PKP4: variants seen among roughly 807,000 people sequenced by gnomAD.
PKP4 encodes the protein plakophilin-4.
Under a neutral mutation model 145.1 loss-of-function variants are expected in PKP4, and 90 were observed. That is an observed-to-expected ratio of 0.62 (90% CI 0.52 to 0.74). PKP4 has a LOEUF of 0.74. Ranked by LOEUF, PKP4 falls within the 30% of genes least tolerant of loss-of-function variation. The pLI is 0.00. For synonymous variants in PKP4, 563 were observed against 577.2 expected (o/e 0.98, Z 0.35); for missense variants, 1,340 against 1,482.7 (o/e 0.90, Z 1.58).
intron 10 of PKP4, among the ~76,000 whole-genome samples, 198 bp from the exon 11 acceptor site, chr2:158,642,288 T>C (rs1331266414): frequency 6.6e-6 from 1 of 152,228 alleles, no homozygotes; most frequent in East Asian, 1.9e-4. Context: ...CCTCCCAATG[T>C]GCTGAGATTA....
intron 19 of PKP4, among the ~76,000 whole-genome samples, chr2:158,675,320 A>AT (rs57801142): frequency 0.23 from 33,108 of 146,972 alleles, 4,676 homozygotes; most frequent in African/African-American, 0.41. Context: ...TTTTTTGGTG[A>AT]TTTTTTTTTT....
chr2:158,651,040 C>T (rs985012167), intron 11 of PKP4, among the ~76,000 whole-genome samples: 19 of 152,216 alleles, frequency 1.2e-4, no homozygotes, highest in African/African-American at 4.6e-4. Flanking sequence ...ACCACCACAA[C>T]TTGTTTTCCT....
intron 11 of PKP4, among the ~76,000 whole-genome samples, chr2:158,648,280 CATGAA>C (rs1371633967): frequency 6.6e-6 from 1 of 152,178 alleles, no homozygotes; most frequent in Non-Finnish European, 1.5e-5. Flanking sequence ...CACTGCAGAA[CATGAA>C]ATGAAGTGTA....
intron 4 of PKP4, among the ~76,000 whole-genome samples, chr2:158,605,642 G>T (rs1437262861): frequency 3.3e-5 from 5 of 151,882 alleles, no homozygotes; most frequent in Admixed American, 3.3e-4. Flanking sequence ...TAGCTTTATT[G>T]AGAGATAATT....
At chr2:158,520,695 C>T (rs921400776) in intron 1 of PKP4, among the ~76,000 whole-genome samples, 1 of 152,260 alleles carries the variant, frequency 6.6e-6, no homozygotes, top group Non-Finnish European at 1.5e-5. Context: ...ATGTGCCTCT[C>T]TGAGATCACA....
chr2:158,481,444 T>G (rs527595844), intron 1 of PKP4, among the ~76,000 whole-genome samples: 2 of 152,330 alleles, frequency 1.3e-5, no homozygotes, highest in East Asian at 3.9e-4. Context: ...AGCTCTATGT[T>G]TAACTTTTTG....
At chr2:158,554,921 A>G (rs970684644) in intron 2 of PKP4, among the ~76,000 whole-genome samples, 3 of 152,198 alleles carry the variant, frequency 2.0e-5, no homozygotes, top group African/African-American at 7.2e-5. Flanking sequence ...GGGGTCCACT[A>G]CATAATACTT....
At chr2:158,500,498 T>A (rs894128709) in intron 1 of PKP4, among the ~76,000 whole-genome samples, 1 of 152,266 alleles carries the variant, frequency 6.6e-6, no homozygotes, top group Non-Finnish European at 1.5e-5. Flanking sequence ...TTTGTTTCCC[T>A]GAGCAACAGA....
rs754048908 is a variant in PKP4, at chr2:158,631,980, AG to A, written c.1342+41del. ...CTGTTTACTGGTTTCCTGATTTCAT[AG>A]GCCCCACAGTAGAAGTGTTTTATTG... On this transcript the variant is annotated intron_variant, in intron 8 of 21. Transcript: ENST00000389759. 23 of 1,565,100 alleles carry A rather than the reference AG, an allele frequency of 1.5e-5. No homozygotes were observed. The South Asian group carries it at 2.6e-4, about 17-fold the overall frequency.
chr2:158,680,376 A>T, intron 21 of PKP4, 53 bp from the exon 22 acceptor site: 1 of 1,361,906 alleles, frequency 7.3e-7, no homozygotes, highest in Non-Finnish European at 1.0e-6. Context: ...TTCCTAACAC[A>T]TGTATTTTTA....
chr2:158,468,259 A>G (rs1363998515), intron 1 of PKP4, among the ~76,000 whole-genome samples: 1 of 152,210 alleles, frequency 6.6e-6, no homozygotes, highest in Non-Finnish European at 1.5e-5. Flanking sequence ...AAAATAAAGA[A>G]TTTTGTAAGG....
chr2:158,556,175 G>A (rs1198106107), intron 2 of PKP4, among the ~76,000 whole-genome samples: 1 of 152,212 alleles, frequency 6.6e-6, no homozygotes, highest in Admixed American at 6.5e-5. Flanking sequence ...AGAGGGAAAT[G>A]GGCTACAAAC....
intron 2 of PKP4, among the ~76,000 whole-genome samples, chr2:158,558,742 A>G (rs972637927): frequency 6.6e-6 from 1 of 152,142 alleles, no homozygotes; most frequent in Non-Finnish European, 1.5e-5. Context: ...CAAGAGAGTG[A>G]TGCGATGGTC....
chr2:158,492,094 C>G (rs1574081936), intron 1 of PKP4, among the ~76,000 whole-genome samples: 1 of 152,034 alleles, frequency 6.6e-6, no homozygotes, highest in Non-Finnish European at 1.5e-5. Context: ...CAGGCTTGAC[C>G]CACTGCACCG....
intron 1 of PKP4, among the ~76,000 whole-genome samples, chr2:158,470,876 G>C (rs73003008): frequency 1.3e-5 from 2 of 152,018 alleles, no homozygotes; most frequent in African/African-American, 4.8e-5. Flanking sequence ...CACTGAGTGC[G>C]GGGCTGGGGA....
At chr2:158,572,584 C>G (rs1244635279) in intron 2 of PKP4, among the ~76,000 whole-genome samples, 1 of 152,122 alleles carries the variant, frequency 6.6e-6, no homozygotes, top group Non-Finnish European at 1.5e-5. Flanking sequence ...GATCCTTTGC[C>G]CAAAGCTAGA....
At chr2:158,654,614 A>G (rs1243643194) in intron 11 of PKP4, among the ~76,000 whole-genome samples, 2 of 152,148 alleles carry the variant, frequency 1.3e-5, no homozygotes, top group East Asian at 1.9e-4. Context: ...CCCCGTAACT[A>G]AGATGGTGGT....
chr2:158,464,129 G>GACTA (rs1217199190), intron 1 of PKP4, among the ~76,000 whole-genome samples: 9 of 152,340 alleles, frequency 5.9e-5, no homozygotes, highest in African/African-American at 1.9e-4. Flanking sequence ...GGTTAGAAGG[G>GACTA]ACTAGTCTTG....
intron 3 of PKP4, among the ~76,000 whole-genome samples, chr2:158,592,019 T>C (rs2049313106): frequency 1.3e-5 from 2 of 152,148 alleles, no homozygotes; most frequent in South Asian, 4.1e-4. Flanking sequence ...AGGGTACCTG[T>C]TCAACTCCTG....
Sources: gnomAD v4.1 joint callset for allele counts (sites outside exome capture counted in the v4.1 genomes callset) on GRCh38, gnomAD v4.1.1 for gene constraint, MANE v1.5 for transcripts, NCBI Gene and HGNC (gene_info 2026-07-23, HGNC 2026-07-21) for gene names.